The following FBLN2 variants were observed in gnomAD, a reference collection of about 807,000 sequenced individuals.
FBLN2 encodes fibulin-2.
A neutral mutation model predicts 123.7 loss-of-function variants in FBLN2; 81 were observed. That is an observed-to-expected ratio of 0.65 (90% CI 0.55 to 0.79). FBLN2 has a LOEUF of 0.79. Ranked by LOEUF, FBLN2 falls within the 30% of genes least tolerant of loss-of-function variation. The pLI, the probability that FBLN2 is intolerant of heterozygous loss-of-function variation, is 0.00. For synonymous variants in FBLN2, 699 were observed against 701.4 expected (o/e 1.00, Z 0.05); for missense variants, 1,603 against 1,681.3 (o/e 0.95, Z 0.81).
At chr3:13,563,008 G>A (rs1703653610) in intron 1 of FBLN2, among the ~76,000 whole-genome samples, 2 of 152,204 alleles carry the variant, frequency 1.3e-5, no homozygotes, top group Admixed American at 1.3e-4. Flanking sequence ...GGAATATTTT[G>A]TTTATCCATC....
At chr3:13,617,328 A>G (rs1705653478) in intron 5 of FBLN2, among the ~76,000 whole-genome samples, 1 of 151,272 alleles carries the variant, frequency 6.6e-6, no homozygotes, top group African/African-American at 2.4e-5. Context: ...CCATTCATCC[A>G]TCCATTCACG....
intron 1 of FBLN2, among the ~76,000 whole-genome samples, chr3:13,550,198 G>A (rs1703284163): frequency 6.6e-6 from 1 of 152,192 alleles, no homozygotes; most frequent in Non-Finnish European, 1.5e-5. Context: ...GTGGGGAGCC[G>A]ATTTTGGAGG....
intron 2 of FBLN2, among the ~76,000 whole-genome samples, chr3:13,594,556 T>C (rs376895847): frequency 4.8e-4 from 73 of 152,186 alleles, no homozygotes; most frequent in African/African-American, 1.7e-3. Context: ...GTTTAAACCC[T>C]TGGGCACATC....
At chr3:13,592,468 T>G (rs951526314) in intron 2 of FBLN2, among the ~76,000 whole-genome samples, 1 of 152,246 alleles carries the variant, frequency 6.6e-6, no homozygotes, top group Non-Finnish European at 1.5e-5. Context: ...CAAGATTGTT[T>G]CAGCTGTTCT....
intron 2 of FBLN2, among the ~76,000 whole-genome samples, chr3:13,596,319 T>C (rs563405824): frequency 5.3e-5 from 8 of 152,250 alleles, no homozygotes; most frequent in South Asian, 2.1e-4. Context: ...TAAAATTTTG[T>C]TGGGAGATGG....
At chr3:13,606,790 T>C (rs1271997058) in intron 2 of FBLN2, among the ~76,000 whole-genome samples, 1 of 151,730 alleles carries the variant, frequency 6.6e-6, no homozygotes, top group African/African-American at 2.4e-5. Context: ...TAGCTGGGTT[T>C]ACAGGCATGC....
At chr3:13,560,511 A>T (rs1365862577) in intron 1 of FBLN2, among the ~76,000 whole-genome samples, 1 of 152,024 alleles carries the variant, frequency 6.6e-6, no homozygotes, top group Non-Finnish European at 1.5e-5. Context: ...CATCAGCCTC[A>T]CCTGTTCAAC....
intron 1 of FBLN2, among the ~76,000 whole-genome samples, chr3:13,553,538 C>T (rs957458041): frequency 2.0e-5 from 3 of 152,234 alleles, no homozygotes; most frequent in African/African-American, 7.2e-5. Context: ...TGGGCACGTC[C>T]TTTCCCAGGG....
At chr3:13,586,877 GTGGCTTATGCC>G in intron 2 of FBLN2, among the ~76,000 whole-genome samples, 1 of 151,380 alleles carries the variant, frequency 6.6e-6, no homozygotes, top group East Asian at 1.9e-4. Context: ...GCTGGGTGCG[GTGGCTTATGCC>G]TGTAATCCCA....
At chr3:13,613,410 T>C (rs1705468211) in intron 4 of FBLN2, among the ~76,000 whole-genome samples, 1 of 152,144 alleles carries the variant, frequency 6.6e-6, no homozygotes, top group Non-Finnish European at 1.5e-5. Context: ...AAAAGCAGCC[T>C]GGGCTAGCGT....
At chr3:13,574,582 C>T (rs937523548) in intron 2 of FBLN2, among the ~76,000 whole-genome samples, 1 of 152,152 alleles carries the variant, frequency 6.6e-6, no homozygotes, top group Non-Finnish European at 1.5e-5. Flanking sequence ...AAGACAGGAC[C>T]CCCAGCCCAG....
Position 13,570,392 on chromosome 3 carries a change from G to T in FBLN2, c.37G>T (p.Ala13Ser). The T allele has an allele frequency of 6.3e-7, 1 of 1,577,922 alleles. No homozygotes were observed. The part of the protein sequence containing the change: ...LLWEPAGAWL[A>S]LGLALALGPS... The stretch of plus-strand genomic sequence containing the variant: ...CTGGGAGCCTGCAGGAGCCTGGCTT[G>T]CTCTGGGCCTGGCCCTGGCCCTGGG... Residue 13 changes from alanine to serine, a missense_variant, in exon 2 of 18, where the codon GCT (alanine) becomes TCT (serine). Coordinates refer to ENST00000404922, the MANE Select transcript of FBLN2 (RefSeq NM_001004019.2).
chr3:13,568,700 G>A, intron 1 of FBLN2: 6 of 911,278 alleles, frequency 6.6e-6, no homozygotes, highest in South Asian at 1.0e-4. Flanking sequence ...GGACTGACAC[G>A]GGCTCCCCTG....
rs1396261049 is a variant in FBLN2 at position 13,570,948 on chromosome 3, G to A, written c.593G>A (p.Ser198Asn). Reference protein sequence around the residue: ...DPERHYEDPYSYDQEVAEVEA... With the variant: ...DPERHYEDPYNYDQEVAEVEA... Reference sequence around the variant, plus strand: ...GAGCGACACTACGAAGACCCCTACAGCTATGACCAGGAGGTGGCCGAGGTG... The same window carrying A: ...GAGCGACACTACGAAGACCCCTACAACTATGACCAGGAGGTGGCCGAGGTG... Residue 198 changes from serine (S) to asparagine (N), a missense_variant, in exon 2 of 18, where the codon AGC (serine) becomes AAC (asparagine). Physicochemically the swap from Ser to Asn is conservative, Grantham distance 46 (BLOSUM62 1). Coordinates refer to ENST00000404922, the MANE Select transcript of FBLN2 (RefSeq NM_001004019.2). 4 of 1,612,616 alleles carry A rather than the reference G, an allele frequency of 2.5e-6. No individual in the cohort carries two copies. The African/African-American group carries it at 5.3e-5, about 22-fold the overall frequency.
At chr3:13,551,830 G>A (rs1018488364) in intron 1 of FBLN2, among the ~76,000 whole-genome samples, 6 of 145,086 alleles carry the variant, frequency 4.1e-5, no homozygotes, top group South Asian at 2.3e-4. Flanking sequence ...GTGAGCCACC[G>A]TGCCCGGCCC....
At position 13,618,977 on chromosome 3, in the gene FBLN2, C is replaced by G. The variant is rs749947577; in HGVS notation, c.2013C>G (p.Asn671Lys). 5 of 1,612,978 alleles carry G rather than the reference C, an allele frequency of 3.1e-6. No individual in the cohort carries two copies. The Admixed American group carries it at 5.0e-5, about 16-fold the overall frequency. The change falls in exon 7 of 18, where the codon AAC (asparagine) becomes AAG (lysine). Residue 671 changes from asparagine (N) to lysine (K), a missense_variant. Coordinates refer to ENST00000404922, the MANE Select transcript of FBLN2 (RefSeq NM_001004019.2). ...LKSEFSQVAS[N>K]TIPLPLPQPN... is the part of the protein sequence containing the mutation. ...CAGAATTTTCCCAGGTGGCCTCTAA[C>G]ACCATCCCGCTGCCACTGCCGCAGC...
intron 2 of FBLN2, among the ~76,000 whole-genome samples, chr3:13,587,863 C>G (rs547055704): frequency 6.6e-6 from 1 of 152,152 alleles, no homozygotes; most frequent in Non-Finnish European, 1.5e-5. Context: ...CCTGGAGGCA[C>G]CCCCCAATCT....
chr3:13,592,377 C>T (rs1467882140), intron 2 of FBLN2, among the ~76,000 whole-genome samples: 2 of 152,184 alleles, frequency 1.3e-5, no homozygotes, highest in Admixed American at 6.5e-5. Flanking sequence ...TGCACCATTA[C>T]CACTCTGTCT....
At chr3:13,549,473 G>T (rs1382492185) in intron 1 of FBLN2, among the ~76,000 whole-genome samples, 6 of 151,830 alleles carry the variant, frequency 4.0e-5, no homozygotes, top group Admixed American at 3.9e-4. Flanking sequence ...GGGTCCGCGG[G>T]CGGGTTCCCC....
Sources: gnomAD v4.1 joint callset for allele counts (sites outside exome capture counted in the v4.1 genomes callset) on GRCh38, gnomAD v4.1.1 for gene constraint, MANE v1.5 for transcripts, NCBI Gene and HGNC (gene_info 2026-07-23, HGNC 2026-07-21) for gene names.